The following PCP4L1 variants were observed in gnomAD, a reference collection of about 807,000 sequenced individuals.
The protein encoded by PCP4L1 is Purkinje cell protein 4-like protein 1.
A neutral mutation model predicts 9.6 loss-of-function variants in PCP4L1; 9 were observed. The ratio of observed to expected loss-of-function variants is 0.94; its 90% CI spans 0.57 to 1.64. PCP4L1 has a LOEUF of 1.64. PCP4L1 is among the 40% of genes most tolerant of loss of function. The pLI, the probability that PCP4L1 is intolerant of heterozygous loss-of-function variation, is 0.00. For missense variants in PCP4L1, 81 were observed against 80.8 expected, an observed-to-expected ratio of 1.00 and a Z score of -0.01; for synonymous variants, 31 against 28.2, an observed-to-expected ratio of 1.10 and a Z score of -0.31.
At position 161,284,732 on chromosome 1, in the gene PCP4L1, G is replaced by A. The variant is rs1003246916; in HGVS notation, c.*251G>A. ...ATTTCTTCTTGGTATAAGGTTCTTTGATCAGTAGCTATGCCTGCCCTGTAG... is the reference window on the plus strand; with the variant it reads ...ATTTCTTCTTGGTATAAGGTTCTTTAATCAGTAGCTATGCCTGCCCTGTAG... On this transcript the variant is annotated 3_prime_UTR_variant, in exon 3 of 3. Transcript: ENST00000504449. 5.7e-6 allele frequency: 3 copies of A among 530,106 alleles called. No individual in the cohort carries two copies. In the Admixed American group the frequency reaches 9.5e-5, roughly 17 times the overall value. The allele number at this position is 530,106 out of a possible 1,614,324, so 32.8% of individuals were successfully genotyped here.
chr1:161,263,149 A>C (rs1669448372), intron 1 of PCP4L1, among the ~76,000 whole-genome samples: 1 of 152,244 alleles, frequency 6.6e-6, no homozygotes, highest in Non-Finnish European at 1.5e-5. Flanking sequence ...AGGGCACTGT[A>C]CTTCTGACTT....
intron 1 of PCP4L1, among the ~76,000 whole-genome samples, chr1:161,270,123 C>T (rs1669598058): frequency 6.6e-6 from 1 of 151,772 alleles, no homozygotes. Context: ...ATGGTGAAAC[C>T]CGGTCTCTAC....
chr1:161,259,075 A>C (rs1400056568), intron 1 of PCP4L1, 92 bp downstream of exon 1: 16 of 1,481,592 alleles, frequency 1.1e-5, no homozygotes, highest in Admixed American at 4.4e-5. Flanking sequence ...AGAGCGAGGC[A>C]GACCGGAGCC....
At chr1:161,265,642 A>G (rs1669516961) in intron 1 of PCP4L1, among the ~76,000 whole-genome samples, 1 of 151,914 alleles carries the variant, frequency 6.6e-6, no homozygotes, top group Non-Finnish European at 1.5e-5. Context: ...TTCTAAATCC[A>G]TACTCCGACC....
At chr1:161,260,904 C>G (rs985001845) in intron 1 of PCP4L1, among the ~76,000 whole-genome samples, 1 of 152,110 alleles carries the variant, frequency 6.6e-6, no homozygotes, top group African/African-American at 2.4e-5. Context: ...AGAGCTGAGC[C>G]TGGTCTTAGG....
At chr1:161,284,209 T>C in intron 2 of PCP4L1, 130 bp from the exon 3 acceptor site, 1 of 1,191,122 alleles carries the variant, frequency 8.4e-7, no homozygotes, top group South Asian at 1.5e-5. Flanking sequence ...GCATTCATAA[T>C]CCTAGCAAAA....
At chr1:161,281,513 G>A (rs1669800765) in intron 1 of PCP4L1, among the ~76,000 whole-genome samples, 1 of 150,318 alleles carries the variant, frequency 6.7e-6, no homozygotes, top group Non-Finnish European at 1.5e-5. Flanking sequence ...CCGGGCGGGG[G>A]CTGACCCCCC....
chr1:161,267,451 A>G (rs900795306), intron 1 of PCP4L1, among the ~76,000 whole-genome samples: 2 of 152,308 alleles, frequency 1.3e-5, no homozygotes, highest in East Asian at 3.9e-4. Flanking sequence ...TGGATAGTTT[A>G]TCTTTTCCAA....
intron 1 of PCP4L1, among the ~76,000 whole-genome samples, chr1:161,277,719 C>T (rs1396657662): frequency 6.6e-6 from 1 of 152,108 alleles, no homozygotes; most frequent in Non-Finnish European, 1.5e-5. Context: ...GACCCCTGGG[C>T]TTAGGTGATC....
intron 1 of PCP4L1, among the ~76,000 whole-genome samples, chr1:161,266,976 A>C (rs1002266665): frequency 6.6e-6 from 1 of 152,154 alleles, no homozygotes; most frequent in Non-Finnish European, 1.5e-5. Context: ...CAGAAGGGAT[A>C]AAAGGGTCCC....
intron 1 of PCP4L1, among the ~76,000 whole-genome samples, chr1:161,280,171 T>C (rs894450437): frequency 2.0e-5 from 3 of 152,312 alleles, no homozygotes; most frequent in South Asian, 4.1e-4. Context: ...CCTCCTCCTC[T>C]TGGATGATGA....
Position 161,268,105 on chromosome 1 carries a change from T to C in PCP4L1, c.9+9122T>C, listed in dbSNP as rs12354252. Among the ~76,000 whole-genome samples, 612 of 152,304 alleles carry C rather than the reference T, an allele frequency of 4.0e-3. 1 individual carries two copies. The highest frequency in any genetic ancestry group is 0.014 in the African/African-American group (587 of 41,540). ...AAGGACTCAATCAAGGAGTATAGTT[T>C]GTTGACTCCTGAGTACTAATCTCCT... On this transcript the variant is annotated intron_variant, in intron 1 of 2. Transcript: ENST00000504449.
chr1:161,260,369 T>C (rs1571788335), intron 1 of PCP4L1, among the ~76,000 whole-genome samples: 1 of 152,214 alleles, frequency 6.6e-6, no homozygotes, highest in Non-Finnish European at 1.5e-5. Context: ...GATGGCAATC[T>C]TTCAGAAAGA....
chr1:161,261,059 G>A (rs1261350263), intron 1 of PCP4L1, among the ~76,000 whole-genome samples: 1 of 152,094 alleles, frequency 6.6e-6, no homozygotes, highest in Admixed American at 6.5e-5. Flanking sequence ...CAGAGCTCTA[G>A]GGAGACTCCA....
At chr1:161,265,428 G>A (rs1300462553) in intron 1 of PCP4L1, among the ~76,000 whole-genome samples, 4 of 152,088 alleles carry the variant, frequency 2.6e-5, no homozygotes, top group Non-Finnish European at 5.9e-5. Context: ...TACTTGGGAG[G>A]CTGAGGTGGT....
In PCP4L1 at chr1:161,258,774, G is replaced by C; in HGVS notation, c.-201G>C. ...GGCTCTGACAGGACGGGTCGCAGGGGGTCGCCTGGCCGGAGCTGGGCTCCG... is the reference window on the plus strand; with the variant it reads ...GGCTCTGACAGGACGGGTCGCAGGGCGTCGCCTGGCCGGAGCTGGGCTCCG... On this transcript the variant is annotated 5_prime_UTR_variant, in exon 1 of 3. Coordinates refer to ENST00000504449, the MANE Select transcript of PCP4L1 (RefSeq NM_001102566.2). The C allele has an allele frequency of 1.3e-6, 1 of 796,296 alleles. No individual in the cohort carries two copies. Among genetic ancestry groups the C allele is most frequent in the Non-Finnish European group, 2.0e-6 (1 of 499,862 alleles). 49.3% of individuals were successfully genotyped at this position (796,296 alleles called of 1,614,324 possible).
intron 1 of PCP4L1, among the ~76,000 whole-genome samples, chr1:161,265,946 G>A (rs1046825919): frequency 5.3e-5 from 8 of 151,748 alleles, no homozygotes; most frequent in African/African-American, 1.9e-4. Flanking sequence ...CATCATGTTG[G>A]CCAGGCTGAT....
intron 1 of PCP4L1, among the ~76,000 whole-genome samples, chr1:161,277,709 G>A (rs114327065): frequency 0.02 from 2,972 of 152,050 alleles, 96 homozygotes; most frequent in African/African-American, 0.067. Context: ...GCTGGTCTTG[G>A]ACCCCTGGGC....
intron 1 of PCP4L1, among the ~76,000 whole-genome samples, chr1:161,277,747 A>G (rs1244154286): frequency 6.6e-6 from 1 of 151,938 alleles, no homozygotes; most frequent in Non-Finnish European, 1.5e-5. Flanking sequence ...CTCATCCTAT[A>G]TCTCACCAGC....
Sources: allele counts gnomAD v4.1 joint callset (sites outside exome capture counted in the v4.1 genomes callset), GRCh38; gene constraint gnomAD v4.1.1; transcripts MANE v1.5; gene names NCBI Gene and HGNC (gene_info 2026-07-23, HGNC 2026-07-21).